ABHD2: variants seen among roughly 807,000 people sequenced by gnomAD.
ABHD2 encodes the protein monoacylglycerol lipase ABHD2.
Under a neutral mutation model 48.1 loss-of-function variants are expected in ABHD2, and 20 were observed. That is an observed-to-expected ratio of 0.42 (90% CI 0.29 to 0.60). The LOEUF (loss-of-function observed/expected upper bound fraction) is 0.60. ABHD2 is among the 20% of genes least tolerant of loss of function. ABHD2 has a pLI of 0.24. For synonymous variants in ABHD2, 209 were observed against 214.2 expected (o/e 0.98, Z 0.21); for missense variants, 405 against 550.9 (o/e 0.74, Z 2.65).
chr15:89,045,492 G>A, the ABHD2 span, among the ~76,000 whole-genome samples: 18 of 152,200 alleles, frequency 1.2e-4, no homozygotes, highest in African/African-American at 2.9e-4. Context: ...ACCTTGGGCA[G>A]TATGGCCATT....
At chr15:89,162,226 A>C (rs1203810213) in intron 5 of ABHD2, among the ~76,000 whole-genome samples, 2 of 152,310 alleles carry the variant, frequency 1.3e-5, no homozygotes, top group East Asian at 1.9e-4. Flanking sequence ...ATCACAACGG[A>C]AACACTTAAA....
At chr15:89,159,991 A>G (rs533270869) in intron 5 of ABHD2, among the ~76,000 whole-genome samples, 3 of 152,336 alleles carry the variant, frequency 2.0e-5, no homozygotes, top group East Asian at 3.9e-4. Context: ...ATAGGACCTT[A>G]AAAAGGTCAG....
At chr15:89,053,157 G>A in the ABHD2 span, among the ~76,000 whole-genome samples, 67 of 152,028 alleles carry the variant, frequency 4.4e-4, no homozygotes, top group East Asian at 3.9e-4. Context: ...TAGTAGAGAC[G>A]GGGTTTCACT....
At chr15:89,121,671 C>T (rs1190024886) in intron 3 of ABHD2, among the ~76,000 whole-genome samples, 1 of 152,096 alleles carries the variant, frequency 6.6e-6, no homozygotes, top group Non-Finnish European at 1.5e-5. Context: ...AGGCCAGCAG[C>T]CGAGGCATGA....
rs150054761 is a variant in ABHD2, at chr15:89,167,817, C to T, written c.539-7995C>T. The stretch of plus-strand genomic sequence containing the variant: ...TGACAGGGGCTGCTAGGCCCCTAAC[C>T]GCCCACCTGTCAGCGAGCCATGTTA... On this transcript the variant is annotated intron_variant, in intron 5 of 10. Coordinates refer to ENST00000352732, the MANE Select transcript of ABHD2 (RefSeq NM_152924.5). This position sits in a 1 kb window ranked among gnomAD's most constrained non-coding sequence, Gnocchi z 5.5. 3.4e-3 allele frequency among the ~76,000 whole-genome samples: 513 copies of T among 152,318 alleles called. 4 individuals are homozygous for T. The highest frequency in any genetic ancestry group is 0.012 in the African/African-American group (493 of 41,570).
chr15:89,136,247 C>G, intron 3 of ABHD2: 3 of 351,528 alleles, frequency 8.5e-6, no homozygotes, highest in Non-Finnish European at 1.7e-5. Context: ...TTTTTTGTCT[C>G]CCCTTTAGGA....
rs1266714450 is a variant in ABHD2 at position 89,168,272 on chromosome 15, C to T, written c.539-7540C>T. Reference sequence around the variant, plus strand: ...GTGCAATACTCATCTGTCTAAGGCCCAGCTAGTGTTTCAGATTTCATCTTA... The same window carrying T: ...GTGCAATACTCATCTGTCTAAGGCCTAGCTAGTGTTTCAGATTTCATCTTA... On this transcript the variant is annotated intron_variant, in intron 5 of 10. Coordinates refer to ENST00000352732, the MANE Select transcript of ABHD2 (RefSeq NM_152924.5). This position sits in a 1 kb window ranked among gnomAD's most constrained non-coding sequence, Gnocchi z 4.8. 6.6e-6 allele frequency among the ~76,000 whole-genome samples: 1 copy of T among 152,182 alleles called. No homozygotes were observed. The highest frequency in any genetic ancestry group is 1.5e-5 in the Non-Finnish European group (1 of 68,034).
the ABHD2 span, among the ~76,000 whole-genome samples, chr15:89,057,216 C>T: frequency 6.6e-6 from 1 of 152,074 alleles, no homozygotes; most frequent in Non-Finnish European, 1.5e-5. Context: ...GCTAGGCCAG[C>T]GTGATACCAT....
chr15:89,191,791 G>A (rs569737679), intron 9 of ABHD2, among the ~76,000 whole-genome samples: 2 of 152,072 alleles, frequency 1.3e-5, no homozygotes, highest in Admixed American at 6.5e-5. Context: ...ACCACGCCTG[G>A]CTAATTTTTG....
chr15:89,116,474 G>A lies in ABHD2; in HGVS notation c.147G>A (p.Ser49=), dbSNP rs757323053. Residue 49 remains serine (S), a synonymous_variant, in exon 3 of 11, where the codon TCG becomes TCA. Transcript: ENST00000352732. The surrounding 1 kb of genome is among the most constrained non-coding windows in gnomAD (Gnocchi z 4.6). ...TAPPDLYFQD[S]GLSRFLLKSC... is the part of the protein sequence containing the mutation. ...CACCTGACCTCTACTTCCAGGACTC[G>A]GGGCTCTCACGCTTTCTGCTCAAGT... is the stretch of plus-strand genomic sequence containing the variant. 115 of 1,614,182 alleles carry A rather than the reference G, an allele frequency of 7.1e-5. No homozygotes were observed. The highest frequency in any genetic ancestry group is 1.5e-4 in the South Asian group (14 of 91,080).
rs1307415595 is a variant in ABHD2 at position 89,097,361 on chromosome 15, A to G, written c.-107+8798A>G. Among the ~76,000 whole-genome samples the G allele has an allele frequency of 1.3e-5, 2 of 152,182 alleles. No individual in the cohort carries two copies. The highest frequency in any genetic ancestry group is 4.8e-5 in the African/African-American group (2 of 41,434). ...AAGACTCCTTTGTTAAACACCCATT[A>G]TTACTCTTTGAAAAATTAACACTAA... On this transcript the variant is annotated intron_variant, in intron 1 of 10. Coordinates refer to ENST00000352732, the MANE Select transcript of ABHD2 (RefSeq NM_152924.5). The surrounding 1 kb of genome is among the most constrained non-coding windows in gnomAD (Gnocchi z 4.2).
chr15:89,078,008 T>C, the ABHD2 span, among the ~76,000 whole-genome samples: 68 of 152,304 alleles, frequency 4.5e-4, no homozygotes, highest in African/African-American at 1.5e-3. Flanking sequence ...TGAATATATG[T>C]GTCACCAAAA....
rs979040329 is a variant in ABHD2, at chr15:89,177,377, G to A, written c.722+1382G>A. Among the ~76,000 whole-genome samples, 1 of 152,212 alleles carries A rather than the reference G, an allele frequency of 6.6e-6. No individual in the cohort carries two copies. Among genetic ancestry groups the A allele is most frequent in the Non-Finnish European group, 1.5e-5 (1 of 68,048 alleles). ...TCGGCGGATCACAAAGACCGGTCCA[G>A]TGAACTAGTGACTGCCTCACTTCAT... On this transcript the variant is annotated intron_variant, in intron 6 of 10. Coordinates refer to ENST00000352732, the MANE Select transcript of ABHD2 (RefSeq NM_152924.5). The surrounding 1 kb of genome is among the most constrained non-coding windows in gnomAD (Gnocchi z 5.6).
At chr15:89,123,593 CTTTTTTTTTTTT>C (rs138910210) in intron 3 of ABHD2, among the ~76,000 whole-genome samples, 1 of 96,680 alleles carries the variant, frequency 1.0e-5, no homozygotes, top group African/African-American at 4.2e-5. Flanking sequence ...TTCTTTCTTT[CTTTTTTTTTTTT>C]TTTTTTTTTT....
chr15:89,147,058 C>T (rs1428226839), intron 3 of ABHD2, among the ~76,000 whole-genome samples: 1 of 152,106 alleles, frequency 6.6e-6, no homozygotes, highest in Non-Finnish European at 1.5e-5. Context: ...GTCATACTGG[C>T]ATATGCATAG....
In ABHD2 at chr15:89,176,021, G is replaced by C; in HGVS notation, c.722+26G>C. The C allele has an allele frequency of 6.4e-7, 1 of 1,570,180 alleles. No homozygotes were observed. The highest frequency in any genetic ancestry group is 1.4e-5 in the African/African-American group (1 of 73,256). On this transcript the variant is annotated intron_variant, in intron 6 of 10. Transcript: ENST00000352732. The surrounding 1 kb of genome is among the most constrained non-coding windows in gnomAD (Gnocchi z 4.5). ...GTGAGTCATCTCCGCCTTCCATCAG[G>C]GCCTTCAGTTAGCCCTTATTTATAG...
Position 89,174,769 on chromosome 15 carries a change from G to A in ABHD2, c.539-1043G>A, listed in dbSNP as rs1010658416. Among the ~76,000 whole-genome samples, 10 of 152,166 alleles carry A rather than the reference G, an allele frequency of 6.6e-5. No individual in the cohort carries two copies. Among genetic ancestry groups the A allele is most frequent in the African/African-American group, 1.9e-4 (8 of 41,436 alleles). On this transcript the variant is annotated intron_variant, in intron 5 of 10. Transcript: ENST00000352732. This position sits in a 1 kb window ranked among gnomAD's most constrained non-coding sequence, Gnocchi z 4.1. Reference sequence around the variant, plus strand: ...TAAATTGGCTCCCTACAGAGTTTGAGGTTGGGCCTTAGAAGGATGTGATGA... The same window carrying A: ...TAAATTGGCTCCCTACAGAGTTTGAAGTTGGGCCTTAGAAGGATGTGATGA...
At chr15:89,132,722 C>G (rs1028937536) in intron 3 of ABHD2, among the ~76,000 whole-genome samples, 1 of 152,154 alleles carries the variant, frequency 6.6e-6, no homozygotes, top group African/African-American at 2.4e-5. Flanking sequence ...CCAGCACTGT[C>G]CTTTGCATTT....
chr15:89,042,599 T>C, the ABHD2 span, among the ~76,000 whole-genome samples: 14 of 79,736 alleles, frequency 1.8e-4, no homozygotes, highest in African/African-American at 7.5e-4. Context: ...TATTTATTTA[T>C]TTATTTATTT....
Sources: allele counts gnomAD v4.1 joint callset (sites outside exome capture counted in the v4.1 genomes callset), GRCh38; gene constraint gnomAD v4.1.1; non-coding constraint Gnocchi (gnomAD v3.1); transcripts MANE v1.5; gene names NCBI Gene and HGNC (gene_info 2026-07-23, HGNC 2026-07-21).